The following NGEF variants were observed in gnomAD, a reference collection of about 807,000 sequenced individuals.
NGEF encodes neuronal guanine nucleotide exchange factor.
A neutral mutation model predicts 80.9 loss-of-function variants in NGEF; 31 were observed. The ratio of observed to expected loss-of-function variants is 0.38; its 90% CI spans 0.29 to 0.52. The LOEUF (loss-of-function observed/expected upper bound fraction) is 0.52, where lower values mean the gene tolerates loss of function less well. Among genes scored for constraint, NGEF ranks in the 20% least tolerant of loss-of-function variants. The pLI, the probability that NGEF is intolerant of heterozygous loss-of-function variation, is 0.84. For missense variants in NGEF, 709 were observed against 926.2 expected (o/e 0.77, Z 3.04); for synonymous variants, 371 against 370.2 (o/e 1.00, Z -0.03).
chr2:232,922,790 C>T (rs953313544), intron 4 of NGEF, among the ~76,000 whole-genome samples: 8 of 152,326 alleles, frequency 5.3e-5, no homozygotes, highest in Admixed American at 4.6e-4. Flanking sequence ...GTTTCCAAGG[C>T]TGGGTGTGGT....
intron 1 of NGEF, among the ~76,000 whole-genome samples, chr2:232,995,022 T>C (rs796197205): frequency 4.4e-5 from 6 of 135,604 alleles, no homozygotes; most frequent in Admixed American, 7.3e-5. Flanking sequence ...CATATATGTA[T>C]ACTGTATATA....
chr2:232,879,207 C>A lies in NGEF; in HGVS notation c.*282G>T. ...GGGGGGCCCTGGAGTGTGCCCACCC[C>A]CTTCCACCCCCTCGGAGGCATGAGG... On this transcript the variant is annotated 3_prime_UTR_variant, in exon 15 of 15. Coordinates refer to ENST00000264051, the MANE Select transcript of NGEF (RefSeq NM_019850.3). 1 of 341,612 alleles carries A rather than the reference C, an allele frequency of 2.9e-6. No individual in the cohort carries two copies. The highest frequency in any genetic ancestry group is 5.4e-6 in the Non-Finnish European group (1 of 185,190). The allele number at this position is 341,612 out of a possible 1,614,324, so 21.2% of individuals were successfully genotyped here. A position where few individuals can be genotyped will look rare whatever the true frequency, so the allele number is the denominator to read the frequency against.
intron 1 of NGEF, among the ~76,000 whole-genome samples, chr2:232,980,001 C>G (rs1694377159): frequency 6.6e-6 from 1 of 152,162 alleles, no homozygotes; most frequent in South Asian, 2.1e-4. Flanking sequence ...GCCAAGGTCG[C>G]ATGGCTGGCA....
At position 232,918,773 on chromosome 2, in the gene NGEF, C is replaced by T. The variant is rs555482651; in HGVS notation, c.828+1511G>A. Among the ~76,000 whole-genome samples the T allele has an allele frequency of 2.6e-5, 4 of 151,920 alleles. No individual in the cohort carries two copies. The South Asian group carries it at 6.3e-4, about 24-fold the overall frequency. On this transcript the variant is annotated intron_variant, in intron 5 of 14. Coordinates refer to ENST00000264051, the MANE Select transcript of NGEF (RefSeq NM_019850.3). ...CCTCCCAAGTAGCTGGGATTACAGG[C>T]GCCTGCCACAGTGCCCAGCTAACTT...
At chr2:232,922,886 A>G (rs913074734) in intron 4 of NGEF, among the ~76,000 whole-genome samples, 3 of 152,124 alleles carry the variant, frequency 2.0e-5, no homozygotes, top group African/African-American at 7.2e-5. Flanking sequence ...CCTGGCCAAC[A>G]TGGCCAAACT....
At chr2:232,993,791 T>C (rs1292855190) in intron 1 of NGEF, among the ~76,000 whole-genome samples, 1 of 152,200 alleles carries the variant, frequency 6.6e-6, no homozygotes, top group Non-Finnish European at 1.5e-5. Context: ...GAAGACATTT[T>C]GCTAAGTGAA....
At chr2:232,883,107 G>A (rs919392884) in intron 12 of NGEF, among the ~76,000 whole-genome samples, 14 of 151,906 alleles carry the variant, frequency 9.2e-5, no homozygotes, top group Non-Finnish European at 1.0e-4. Context: ...ACGTACACGC[G>A]TACACGCATC....
At chr2:232,918,681 C>T (rs189648090) in intron 5 of NGEF, among the ~76,000 whole-genome samples, 184 of 142,046 alleles carry the variant, frequency 1.3e-3, no homozygotes, top group African/African-American at 4.7e-3. Context: ...GTCACCCAGG[C>T]TGGAGTGCAG....
rs753860370 is a variant in NGEF, at chr2:232,883,400, C to T, written c.1668G>A (p.Gln556=). Residue 556 remains glutamine, a synonymous_variant, in exon 12 of 15, where the codon CAG becomes CAA. Coordinates refer to ENST00000264051, the MANE Select transcript of NGEF (RefSeq NM_019850.3). ...GLLRVEELED[Q]GQTLANVFIL... Reference sequence around the variant, plus strand: ...TGAACACGTTGGCCAGCGTCTGGCCCTGGTCCTCCAGCTCCTCCACACGCA... The same window carrying T: ...TGAACACGTTGGCCAGCGTCTGGCCTTGGTCCTCCAGCTCCTCCACACGCA... 125 of 1,611,986 alleles carry T rather than the reference C, an allele frequency of 7.8e-5. No homozygotes were observed. Among genetic ancestry groups the T allele is most frequent in the Non-Finnish European group, 1.0e-4 (119 of 1,179,304 alleles).
At chr2:232,982,935 C>A (rs1247243761) in intron 1 of NGEF, among the ~76,000 whole-genome samples, 1 of 152,242 alleles carries the variant, frequency 6.6e-6, no homozygotes, top group Non-Finnish European at 1.5e-5. Flanking sequence ...AGGGAAGGAG[C>A]TGGGACAGTG....
intron 3 of NGEF, among the ~76,000 whole-genome samples, chr2:232,945,501 AC>A (rs1161030338): frequency 6.6e-6 from 1 of 152,014 alleles, no homozygotes; most frequent in Non-Finnish European, 1.5e-5. Context: ...AGACACAGAC[AC>A]AGAGAAAGGA....
rs1425375804 is a variant in NGEF, at chr2:232,920,333, C to T, written c.779G>A (p.Ser260Asn). 2 of 1,614,068 alleles carry T rather than the reference C, an allele frequency of 1.2e-6. No individual in the cohort carries two copies. Among genetic ancestry groups the T allele is most frequent in the Admixed American group, 3.3e-5 (2 of 60,008 alleles). ...NLWQDLPEIR[S>N]SGVLEILQPE... ...CTGTAGGATCTCAAGCACCCCGCTG[C>T]TCCGGATCTCGGGAAGATCCTGCCA... Residue 260 changes from serine to asparagine, a missense_variant, in exon 5 of 15, where the codon AGC becomes AAC. Ser to Asn is a conservative substitution (Grantham distance 46). This residue lies in a region of NGEF where 426 missense variants were observed against 622.9 expected (regional missense o/e 0.68). Transcript: ENST00000264051.
intron 3 of NGEF, among the ~76,000 whole-genome samples, chr2:232,954,719 C>T (rs1336981070): frequency 2.4e-5 from 3 of 124,950 alleles, no homozygotes; most frequent in Non-Finnish European, 3.5e-5. Context: ...AGCGAGACTC[C>T]GTCTCAAAAG....
chr2:232,925,437 A>AG (rs1693041113), intron 4 of NGEF, among the ~76,000 whole-genome samples: 1 of 152,176 alleles, frequency 6.6e-6, no homozygotes, highest in African/African-American at 2.4e-5. Flanking sequence ...AGACACCTGC[A>AG]GGGGGTAGCA....
Position 232,965,784 on chromosome 2 carries a change from G to A in NGEF, c.383+4430C>T, listed in dbSNP as rs1415236344. 9.9e-5 allele frequency among the ~76,000 whole-genome samples: 15 copies of A among 152,130 alleles called. 1 individual carries two copies. Among genetic ancestry groups the A allele is most frequent in the Admixed American group, 9.8e-4 (15 of 15,280 alleles). On this transcript the variant is annotated intron_variant, in intron 3 of 14. Transcript: ENST00000264051. The stretch of plus-strand genomic sequence containing the variant: ...ATGTAATAGCGACATGTGGCACAGT[G>A]GAGCTGGCGGTTCCTGCTTTGGAGG...
chr2:232,999,473 T>C (rs1308568258), intron 1 of NGEF, among the ~76,000 whole-genome samples: 1 of 152,208 alleles, frequency 6.6e-6, no homozygotes, highest in Non-Finnish European at 1.5e-5. Context: ...CAGCAGCCAC[T>C]CTAAGCCAGG....
intron 1 of NGEF, among the ~76,000 whole-genome samples, chr2:232,975,653 C>T (rs969037887): frequency 1.3e-5 from 2 of 152,122 alleles, no homozygotes; most frequent in Non-Finnish European, 2.9e-5. Context: ...ACAAACCCCA[C>T]CTCCCTCCCC....
intron 3 of NGEF, among the ~76,000 whole-genome samples, chr2:232,959,780 T>A (rs568630945): frequency 3.3e-5 from 5 of 152,256 alleles, no homozygotes; most frequent in South Asian, 4.1e-4. Flanking sequence ...GGTTTCTCCA[T>A]GTTGGTCAGG....
intron 3 of NGEF, among the ~76,000 whole-genome samples, chr2:232,966,532 G>C (rs989479709): frequency 6.6e-6 from 1 of 152,078 alleles, no homozygotes; most frequent in Non-Finnish European, 1.5e-5. Context: ...AGATTTCCAA[G>C]TAGATCCATT....
Sources: gnomAD v4.1 joint callset for allele counts (sites outside exome capture counted in the v4.1 genomes callset) on GRCh38, gnomAD v4.1.1 for gene constraint, gnomAD v4.1.1 regional missense constraint, MANE v1.5 for transcripts, NCBI Gene and HGNC (gene_info 2026-07-23, HGNC 2026-07-21) for gene names.